The following LRP5 variants were observed in gnomAD, a reference collection of about 807,000 sequenced individuals.
LRP5 encodes the protein low-density lipoprotein receptor-related protein 5.
In LRP5, 62 loss-of-function variants were observed where a neutral mutation model predicts 154.1. That is an observed-to-expected ratio of 0.40 (90% CI 0.33 to 0.50). The LOEUF is 0.50. LRP5 is among the 20% of genes least tolerant of loss of function. The probability of loss-of-function intolerance (pLI) is 0.55; values close to 1 mark genes in which losing one functional copy is unlikely to be tolerated. For synonymous variants in LRP5, 966 were observed against 1,011.5 expected, an observed-to-expected ratio of 0.96 and a Z score of 0.85; for missense variants, 1,915 against 2,336.7, an observed-to-expected ratio of 0.82 and a Z score of 3.72.
chr11:68,346,617 G>C (rs567787993), intron 1 of LRP5, among the ~76,000 whole-genome samples: 38 of 152,346 alleles, frequency 2.5e-4, no homozygotes, highest in Non-Finnish European at 4.6e-4. Context: ...GGTGAAGGTG[G>C]GAGTGTGGGG....
intron 7 of LRP5, among the ~76,000 whole-genome samples, chr11:68,400,926 C>A (rs1414981365): frequency 1.3e-5 from 2 of 152,092 alleles, no homozygotes; most frequent in South Asian, 2.1e-4. Flanking sequence ...TAATAGTGAC[C>A]TTTTGGTAGA....
intron 3 of LRP5, among the ~76,000 whole-genome samples, chr11:68,362,864 G>C (rs1371928073): frequency 1.3e-5 from 2 of 152,238 alleles, no homozygotes; most frequent in African/African-American, 4.8e-5. Context: ...CTGTGCTGAG[G>C]GCTGGGGACG....
At chr11:68,324,746 C>T (rs2098598674) in intron 1 of LRP5, among the ~76,000 whole-genome samples, 1 of 152,220 alleles carries the variant, frequency 6.6e-6, no homozygotes, top group Non-Finnish European at 1.5e-5. Flanking sequence ...CCGCCTGCTC[C>T]ACACCAGGAG....
chr11:68,312,769 C>A lies in LRP5; in HGVS notation c.55C>A (p.Leu19Met). ...PWPLLLLLLL[L>M]LALCGCPAPA... is the part of the protein sequence containing the mutation. ...GCCGCTGCTGCTGCTGCTGCTGCTGCTGCTGGCGCTGTGCGGCTGCCCGGC... is the reference window on the plus strand; with the variant it reads ...GCCGCTGCTGCTGCTGCTGCTGCTGATGCTGGCGCTGTGCGGCTGCCCGGC... Residue 19 changes from leucine to methionine, a missense_variant, in exon 1 of 23, where the codon CTG becomes ATG. By Grantham distance (15) the Leu-to-Met change is conservative. Transcript: ENST00000294304. The A allele has an allele frequency of 4.6e-6, 5 of 1,091,230 alleles. No homozygotes were observed. Among genetic ancestry groups the A allele is most frequent in the Non-Finnish European group, 5.6e-6 (5 of 893,296 alleles). The allele number at this position is 1,091,230 out of a possible 1,614,324, so 67.6% of individuals were successfully genotyped here.
chr11:68,432,100 C>T (rs1409134308), intron 17 of LRP5, among the ~76,000 whole-genome samples: 2 of 152,216 alleles, frequency 1.3e-5, no homozygotes, highest in Non-Finnish European at 2.9e-5. Flanking sequence ...CCATCACCAC[C>T]GCCATTCAGC....
At chr11:68,373,800 T>C (rs1235296095) in intron 5 of LRP5, among the ~76,000 whole-genome samples, 2 of 152,246 alleles carry the variant, frequency 1.3e-5, no homozygotes, top group African/African-American at 4.8e-5. Context: ...CCTCGGAAGC[T>C]GCTGTTCCTC....
rs17848269 is a variant in LRP5, at chr11:68,414,077, C to T, written c.2827+65C>T. 43 of 1,467,428 alleles carry T rather than the reference C, an allele frequency of 2.9e-5. No homozygotes were observed. In the East Asian group the frequency reaches 5.2e-4, roughly 18 times the overall value. The allele number at this position is 1,467,428 out of a possible 1,614,324, so 90.9% of individuals were successfully genotyped here. A position where few individuals can be genotyped will look rare whatever the true frequency, so the allele number is the denominator to read the frequency against. ...AGATCAGGCTGGTTCTGGGAGCTGA[C>T]GCTGAAAGGAGCTTCTCATCTGGGG... On this transcript the variant is annotated intron_variant, in intron 12 of 22. Transcript: ENST00000294304.
At chr11:68,392,135 C>T (rs1409437299) in intron 7 of LRP5, among the ~76,000 whole-genome samples, 3 of 152,144 alleles carry the variant, frequency 2.0e-5, no homozygotes, top group African/African-American at 7.2e-5. Context: ...AGGCATCAGC[C>T]GTCACACGCA....
chr11:68,431,988 G>C (rs2098672191), intron 17 of LRP5, among the ~76,000 whole-genome samples: 1 of 152,210 alleles, frequency 6.6e-6, no homozygotes, highest in South Asian at 2.1e-4. Flanking sequence ...TCTCCAGGGA[G>C]ATCACAGAAG....
chr11:68,312,516 G>A (rs1224260931), upstream of LRP5: 3 of 148,632 alleles, frequency 2.0e-5, no homozygotes, highest in Non-Finnish European at 2.9e-5. Context: ...CCGGTGCGGG[G>A]GGCGCGGGTG....
chr11:68,411,004 G>A (rs1285179805), intron 10 of LRP5, among the ~76,000 whole-genome samples: 1 of 152,180 alleles, frequency 6.6e-6, no homozygotes, highest in Non-Finnish European at 1.5e-5. Context: ...GGGCTGCTGG[G>A]GGAGGAGCCC....
At chr11:68,382,510 TGTC>T (rs1193554127) in intron 5 of LRP5, among the ~76,000 whole-genome samples, 1 of 152,132 alleles carries the variant, frequency 6.6e-6, no homozygotes, top group Non-Finnish European at 1.5e-5. Context: ...TCACGGATGG[TGTC>T]GTTCACCTAA....
intron 7 of LRP5, among the ~76,000 whole-genome samples, chr11:68,398,655 A>T (rs1360110293): frequency 6.6e-6 from 1 of 152,200 alleles, no homozygotes; most frequent in Non-Finnish European, 1.5e-5. Flanking sequence ...TTGAAAAAAA[A>T]AAAGCCAAAG....
At chr11:68,397,003 A>C (rs989635360) in intron 7 of LRP5, among the ~76,000 whole-genome samples, 2 of 152,164 alleles carry the variant, frequency 1.3e-5, no homozygotes, top group African/African-American at 4.8e-5. Context: ...TGGGCTAGGA[A>C]TTCCAGTGTT....
intron 8 of LRP5, chr11:68,404,078 C>A: frequency 4.6e-6 from 2 of 434,390 alleles, no homozygotes; most frequent in Non-Finnish European, 8.7e-6. Context: ...AAGCTCAGGA[C>A]TCCCTCCTGG....
At chr11:68,442,933 G>A (rs541039920) in intron 21 of LRP5, among the ~76,000 whole-genome samples, 83 of 152,258 alleles carry the variant, frequency 5.5e-4, no homozygotes, top group African/African-American at 1.9e-3. Flanking sequence ...CTTGGTGGCT[G>A]AACAGCACTC....
intron 1 of LRP5, 49 bp downstream of exon 1, chr11:68,312,854 C>A: frequency 1.1e-6 from 1 of 949,150 alleles, no homozygotes; most frequent in Non-Finnish European, 1.3e-6. Flanking sequence ...CGGACAATGG[C>A]CCGGGCGGCC....
chr11:68,416,210 T>A, intron 12 of LRP5, 118 bp from the exon 13 acceptor site: 1 of 837,346 alleles, frequency 1.2e-6, no homozygotes. Context: ...GTCTTTCCCG[T>A]GGACCTCCAG....
intron 20 of LRP5, 36 bp from the exon 21 acceptor site, chr11:68,439,741 G>A: frequency 1.9e-6 from 3 of 1,601,034 alleles, no homozygotes; most frequent in Non-Finnish European, 2.6e-6. Flanking sequence ...GCTGAGCCTG[G>A]AAGCCACCTG....
Sources: gnomAD v4.1 joint callset for allele counts (sites outside exome capture counted in the v4.1 genomes callset) on GRCh38, gnomAD v4.1.1 for gene constraint, MANE v1.5 for transcripts, NCBI Gene and HGNC (gene_info 2026-07-23, HGNC 2026-07-21) for gene names.